The following SEPTIN11 variants were observed in gnomAD, a reference collection of about 807,000 sequenced individuals.
SEPTIN11 encodes the protein septin 11.
In SEPTIN11, 25 loss-of-function variants were observed where a neutral mutation model predicts 51.4. The ratio of observed to expected loss-of-function variants is 0.49; its 90% CI spans 0.35 to 0.68. SEPTIN11 has a LOEUF of 0.68. Ranked by LOEUF, SEPTIN11 falls within the 30% of genes least tolerant of loss-of-function variation. The pLI, the probability that SEPTIN11 is intolerant of heterozygous loss-of-function variation, is 0.00. For synonymous variants in SEPTIN11, 174 were observed against 184.1 expected (o/e 0.95, Z 0.44); for missense variants, 381 against 520.8 (o/e 0.73, Z 2.61).
At chr4:76,987,089 TATATG>T (rs1466946369) in intron 1 of SEPTIN11, among the ~76,000 whole-genome samples, 5 of 152,298 alleles carry the variant, frequency 3.3e-5, no homozygotes, top group African/African-American at 7.2e-5. Context: ...CTTTTTTGGT[TATATG>T]ATATGTTTTC....
chr4:76,983,120 C>T (rs1216657029), intron 1 of SEPTIN11, among the ~76,000 whole-genome samples: 1 of 152,154 alleles, frequency 6.6e-6, no homozygotes, highest in Non-Finnish European at 1.5e-5. Context: ...ATCCCCAGAA[C>T]TTGTGAATAT....
At chr4:76,985,179 G>A (rs1722962709) in intron 1 of SEPTIN11, 1 of 152,240 alleles carries the variant, frequency 6.6e-6, no homozygotes, top group Non-Finnish European at 1.5e-5. Context: ...TGCTCAGAGA[G>A]AGACTGTGGT....
chr4:76,979,520 T>G (rs901184045), intron 1 of SEPTIN11, among the ~76,000 whole-genome samples: 3 of 152,224 alleles, frequency 2.0e-5, no homozygotes, highest in Non-Finnish European at 2.9e-5. Context: ...TTTAGTTTCC[T>G]TCTCTGTAAA....
At chr4:77,004,639 C>A (rs563405996) in intron 2 of SEPTIN11, among the ~76,000 whole-genome samples, 1 of 152,148 alleles carries the variant, frequency 6.6e-6, no homozygotes, top group African/African-American at 2.4e-5. Context: ...ACAGTAGTAC[C>A]TATTTCATGG....
intron 5 of SEPTIN11, among the ~76,000 whole-genome samples, chr4:77,018,145 AT>A (rs1193316239): frequency 6.6e-6 from 1 of 152,218 alleles, no homozygotes; most frequent in Non-Finnish European, 1.5e-5. Context: ...TATAAAAATT[AT>A]TAGATATTTT....
At chr4:77,032,057 A>C (rs772186538) in intron 9 of SEPTIN11, 3 of 152,212 alleles carry the variant, frequency 2.0e-5, no homozygotes, top group Non-Finnish European at 4.4e-5. Context: ...AAAAGTGAGC[A>C]CAGTGCTATT....
chr4:77,011,097 G>A (rs550080113), intron 3 of SEPTIN11, among the ~76,000 whole-genome samples: 9 of 152,260 alleles, frequency 5.9e-5, no homozygotes, highest in Admixed American at 1.3e-4. Context: ...TAGTCTAGGC[G>A]CCTCAGTTCC....
chr4:76,987,275 G>A (rs764254855), intron 1 of SEPTIN11, among the ~76,000 whole-genome samples: 2 of 152,046 alleles, frequency 1.3e-5, no homozygotes, highest in Non-Finnish European at 2.9e-5. Flanking sequence ...CCTCACTGCC[G>A]CCTGGCGCTC....
intron 1 of SEPTIN11, among the ~76,000 whole-genome samples, chr4:76,992,802 A>G (rs1409979970): frequency 3.9e-5 from 6 of 152,238 alleles, no homozygotes; most frequent in African/African-American, 7.2e-5. Flanking sequence ...TGGATATGTA[A>G]ACACTGGCTG....
intron 3 of SEPTIN11, 78 bp from the exon 4 acceptor site, chr4:77,011,657 A>G: frequency 7.3e-7 from 1 of 1,367,450 alleles, no homozygotes; most frequent in South Asian, 1.3e-5. Context: ...AGGAGAGAAG[A>G]AGCCATTGTG....
Position 77,031,024 on chromosome 4 carries a change from G to T in SEPTIN11, c.1274+54G>T, listed in dbSNP as rs746487309. The T allele has an allele frequency of 4.7e-6, 7 of 1,490,168 alleles. No homozygotes were observed. In the Admixed American group the frequency reaches 7.2e-5, roughly 15 times the overall value. 92.3% of individuals were successfully genotyped at this position (1,490,168 alleles called of 1,614,324 possible). A position where few individuals can be genotyped will look rare whatever the true frequency, so the allele number is the denominator to read the frequency against. ...GGACCTCTAACAATTTATTCCTCTT[G>T]CATGTCTCTACTTTTCCCATTTACA... On this transcript the variant is annotated intron_variant, in intron 9 of 9. Coordinates refer to ENST00000264893, the MANE Select transcript of SEPTIN11 (RefSeq NM_018243.4).
At chr4:76,997,936 G>A (rs1723843311) in intron 2 of SEPTIN11, among the ~76,000 whole-genome samples, 1 of 152,184 alleles carries the variant, frequency 6.6e-6, no homozygotes, top group African/African-American at 2.4e-5. Flanking sequence ...ATGTCTGAGA[G>A]TTCTGTCCTG....
At position 77,037,091 on chromosome 4, in the gene SEPTIN11, G is replaced by A. The variant is rs756085577; in HGVS notation, c.*2579G>A. On this transcript the variant is annotated 3_prime_UTR_variant, in exon 10 of 10. Transcript: ENST00000264893. Reference sequence around the variant, plus strand: ...AAATTACTAATCCAGGCCAGGTGTGGTGGCTCATGCCTGTAATCCCAGCAC... The same window carrying A: ...AAATTACTAATCCAGGCCAGGTGTGATGGCTCATGCCTGTAATCCCAGCAC... 1.7e-5 allele frequency: 18 copies of A among 1,085,536 alleles called. No individual in the cohort carries two copies. The highest frequency in any genetic ancestry group is 1.9e-5 in the Non-Finnish European group (17 of 895,740). 67.2% of individuals were successfully genotyped at this position (1,085,536 alleles called of 1,614,324 possible).
intron 8 of SEPTIN11, among the ~76,000 whole-genome samples, chr4:77,029,847 CACAT>C: frequency 6.6e-6 from 1 of 151,924 alleles, no homozygotes; most frequent in African/African-American, 2.4e-5. Context: ...TATATACAAA[CACAT>C]ACATATATGT....
chr4:77,025,104 TA>T (rs1484382793), intron 7 of SEPTIN11, among the ~76,000 whole-genome samples: 1 of 140,344 alleles, frequency 7.1e-6, no homozygotes, highest in Non-Finnish European at 1.6e-5. Context: ...CAAGGGCTGT[TA>T]AGAGGAAATT....
intron 1 of SEPTIN11, among the ~76,000 whole-genome samples, chr4:76,971,751 A>C (rs1722254597): frequency 6.6e-6 from 1 of 152,186 alleles, no homozygotes; most frequent in South Asian, 2.1e-4. Context: ...GGCAGTATTC[A>C]CTTGAGAAAG....
downstream of SEPTIN11, chr4:77,039,094 C>T (rs544387573): frequency 5.4e-6 from 7 of 1,289,136 alleles, no homozygotes; most frequent in South Asian, 7.4e-5. Context: ...TGTAACCATC[C>T]TGTTGACAAG....
At chr4:76,978,809 G>A (rs925262307) in intron 1 of SEPTIN11, among the ~76,000 whole-genome samples, 2 of 152,106 alleles carry the variant, frequency 1.3e-5, no homozygotes, top group East Asian at 1.9e-4. Flanking sequence ...CTTCACTACC[G>A]TGTCTCTCCC....
chr4:76,980,876 C>T (rs937394571), intron 1 of SEPTIN11, among the ~76,000 whole-genome samples: 1 of 152,148 alleles, frequency 6.6e-6, no homozygotes, highest in Non-Finnish European at 1.5e-5. Context: ...TCCTACAGAT[C>T]GTATGGATTA....
Sources: allele counts gnomAD v4.1 joint callset (sites outside exome capture counted in the v4.1 genomes callset), GRCh38; gene constraint gnomAD v4.1.1; transcripts MANE v1.5; gene names NCBI Gene and HGNC (gene_info 2026-07-23, HGNC 2026-07-21).